LRRC7: variants seen among roughly 807,000 people sequenced by gnomAD.
LRRC7 encodes the protein leucine rich repeat containing 7.
In LRRC7, 23 loss-of-function variants were observed where a neutral mutation model predicts 175.7. That is an observed-to-expected ratio of 0.13 (90% CI 0.09 to 0.19). The LOEUF (loss-of-function observed/expected upper bound fraction) is 0.19, where lower values mean the gene tolerates loss of function less well. LRRC7 is among the 10% of genes least tolerant of loss of function. The pLI, the probability that LRRC7 is intolerant of heterozygous loss-of-function variation, is 1.00. For synonymous variants in LRRC7, 685 were observed against 680.9 expected (o/e 1.01, Z -0.09); for missense variants, 1,354 against 1,904.7 (o/e 0.71, Z 5.38).
intron 4 of LRRC7, among the ~76,000 whole-genome samples, chr1:69,804,788 T>C (rs1676924607): frequency 6.6e-6 from 1 of 151,750 alleles, no homozygotes; most frequent in Non-Finnish European, 1.5e-5. Context: ...TGAATACATT[T>C]CATGATATTA....
intron 1 of LRRC7, among the ~76,000 whole-genome samples, chr1:69,584,881 C>T (rs1290904058): frequency 2.0e-5 from 3 of 148,818 alleles, no homozygotes; most frequent in Non-Finnish European, 4.5e-5. Context: ...CACCTCAGGC[C>T]CTTTGCCTGT....
At chr1:69,586,386 T>C (rs1192819872) in intron 1 of LRRC7, among the ~76,000 whole-genome samples, 1 of 151,800 alleles carries the variant, frequency 6.6e-6, no homozygotes, top group Non-Finnish European at 1.5e-5. Flanking sequence ...TGGCAGGGGG[T>C]GGGGCAGGGA....
In LRRC7 at chr1:69,906,657, C is replaced by A. The variant is rs372429442; in HGVS notation, c.648-24850C>A. On this transcript the variant is annotated intron_variant, in intron 7 of 26. Coordinates refer to ENST00000651989, the MANE Select transcript of LRRC7 (RefSeq NM_001370785.2). ...TACCAGTACCATGCTGTTTTGGTTA[C>A]TGTAGCCTTGTAGTATAGTTTGAAG... Among the ~76,000 whole-genome samples, 36 of 152,226 alleles carry A rather than the reference C, an allele frequency of 2.4e-4. No individual in the cohort carries two copies. The East Asian group carries it at 3.5e-3, about 15-fold the overall frequency.
chr1:69,628,034 T>G (rs954229463), intron 1 of LRRC7, among the ~76,000 whole-genome samples: 3 of 152,096 alleles, frequency 2.0e-5, no homozygotes, highest in Non-Finnish European at 4.4e-5. Context: ...ATTGTTTCCT[T>G]AATACCATAT....
chr1:70,108,397 C>T (rs970159404), intron 26 of LRRC7, among the ~76,000 whole-genome samples: 41 of 152,226 alleles, frequency 2.7e-4, no homozygotes, highest in African/African-American at 9.1e-4. Flanking sequence ...CCCCAATAAA[C>T]AATTAAGCAA....
At chr1:69,735,097 G>A (rs11209530) in intron 2 of LRRC7, among the ~76,000 whole-genome samples, 105,064 of 151,720 alleles carry the variant, frequency 0.69, 36,843 homozygotes, top group East Asian at 0.92. Context: ...ATTTCATATT[G>A]CCTCTCCTAA....
At chr1:69,571,547 G>A (rs1645739359) in intron 1 of LRRC7, among the ~76,000 whole-genome samples, 1 of 152,028 alleles carries the variant, frequency 6.6e-6, no homozygotes, top group South Asian at 2.1e-4. Flanking sequence ...GGTACTTGTA[G>A]ATCTCTCTTA....
chr1:69,815,971 T>A (rs1365207024), intron 4 of LRRC7, among the ~76,000 whole-genome samples: 1 of 151,358 alleles, frequency 6.6e-6, no homozygotes, highest in Non-Finnish European at 1.5e-5. Context: ...TTTATTTATT[T>A]ATTTATTTAT....
At chr1:69,819,647 G>A (rs921283867) in intron 4 of LRRC7, among the ~76,000 whole-genome samples, 3 of 149,658 alleles carry the variant, frequency 2.0e-5, no homozygotes, top group African/African-American at 7.4e-5. Flanking sequence ...TGCAAGCAGG[G>A]TATCGAAGTC....
chr1:69,712,061 C>T (rs1315566013), intron 2 of LRRC7, among the ~76,000 whole-genome samples: 2 of 152,020 alleles, frequency 1.3e-5, no homozygotes, highest in African/African-American at 4.8e-5. Context: ...ACCAGAAATG[C>T]CACTAAAAAG....
At chr1:69,978,035 C>CAA (rs372235739) in intron 8 of LRRC7, among the ~76,000 whole-genome samples, 2 of 151,688 alleles carry the variant, frequency 1.3e-5, no homozygotes, top group African/African-American at 4.8e-5. Flanking sequence ...AGGAAAAAAA[C>CAA]AAAAAAACAA....
rs1018100450 is a variant in LRRC7, at chr1:70,141,748, G to GTTA, written c.*19864_*19866dup. ...CAAAGATATTTTTGGCTCTTTAAAG[G>GTTA]TTATTTTCCTATATTAAGAAAAGGT... On this transcript the variant is annotated 3_prime_UTR_variant, in exon 27 of 27. Coordinates refer to ENST00000651989, the MANE Select transcript of LRRC7 (RefSeq NM_001370785.2). 6.6e-6 allele frequency: 1 copy of GTTA among 151,950 alleles called. No homozygotes were observed. Among genetic ancestry groups the GTTA allele is most frequent in the Non-Finnish European group, 1.5e-5 (1 of 67,934 alleles). 9.4% of individuals were successfully genotyped at this position (151,950 alleles called of 1,614,324 possible).
intron 23 of LRRC7, among the ~76,000 whole-genome samples, chr1:70,055,145 A>C (rs753983105): frequency 9.2e-5 from 14 of 152,138 alleles, no homozygotes; most frequent in Non-Finnish European, 2.1e-4. Context: ...AGGTAAATAT[A>C]ATATGATGTG....
intron 1 of LRRC7, among the ~76,000 whole-genome samples, chr1:69,622,503 A>T (rs1354718068): frequency 6.6e-6 from 1 of 152,188 alleles, no homozygotes; most frequent in African/African-American, 2.4e-5. Context: ...CCCAAGATTA[A>T]TTCTAAAACT....
chr1:69,875,815 T>C (rs1326013280), intron 7 of LRRC7, among the ~76,000 whole-genome samples: 1 of 152,086 alleles, frequency 6.6e-6, no homozygotes, highest in Non-Finnish European at 1.5e-5. Context: ...ATTCTATTGA[T>C]TTTACATTCA....
chr1:69,855,692 T>C (rs1413583226), intron 7 of LRRC7, among the ~76,000 whole-genome samples: 3 of 152,108 alleles, frequency 2.0e-5, no homozygotes, highest in Non-Finnish European at 2.9e-5. Flanking sequence ...GTTAACTTTC[T>C]GTCTCGTTGA....
chr1:69,620,071 A>G (rs572095264), intron 1 of LRRC7, among the ~76,000 whole-genome samples: 1 of 152,336 alleles, frequency 6.6e-6, no homozygotes, highest in African/African-American at 2.4e-5. Flanking sequence ...TCCTTTCCCA[A>G]CGATTTATCT....
intron 2 of LRRC7, among the ~76,000 whole-genome samples, chr1:69,683,506 C>T (rs756122477): frequency 3.3e-5 from 5 of 152,098 alleles, no homozygotes; most frequent in Non-Finnish European, 7.4e-5. Flanking sequence ...TTCCTGTGCT[C>T]TCTGTGCTTC....
At chr1:69,989,675 G>T (rs576459963) in intron 10 of LRRC7, among the ~76,000 whole-genome samples, 1 of 152,024 alleles carries the variant, frequency 6.6e-6, no homozygotes, top group South Asian at 2.1e-4. Flanking sequence ...AATAAATACA[G>T]AATTCCAGAA....
Sources: allele counts gnomAD v4.1 joint callset (sites outside exome capture counted in the v4.1 genomes callset), GRCh38; gene constraint gnomAD v4.1.1; transcripts MANE v1.5; gene names NCBI Gene and HGNC (gene_info 2026-07-23, HGNC 2026-07-21).